The following ZCWPW2 variants were observed in gnomAD, a reference collection of about 807,000 sequenced individuals.
ZCWPW2 encodes zinc finger CW-type PWWP domain protein 2.
ZCWPW2 carries 45 observed loss-of-function variants against 46.6 expected under a neutral mutation model. That is an observed-to-expected ratio of 0.96 (90% CI 0.76 to 1.24). The LOEUF (loss-of-function observed/expected upper bound fraction) is 1.24. ZCWPW2 is among the 50% of genes most tolerant of loss of function. The pLI is 0.00. For synonymous variants in ZCWPW2, 152 were observed against 137.1 expected (o/e 1.11, Z -0.76); for missense variants, 429 against 403.9 (o/e 1.06, Z -0.53).
At chr3:28,491,521 T>G (rs1236340241) in intron 5 of ZCWPW2, among the ~76,000 whole-genome samples, 1 of 152,074 alleles carries the variant, frequency 6.6e-6, no homozygotes, top group Non-Finnish European at 1.5e-5. Flanking sequence ...CCATTCTTGC[T>G]GAATCTTTCT....
At chr3:28,476,421 A>G (rs1699240504) in intron 4 of ZCWPW2, among the ~76,000 whole-genome samples, 1 of 152,048 alleles carries the variant, frequency 6.6e-6, no homozygotes, top group Non-Finnish European at 1.5e-5. Flanking sequence ...AAGTTCAAAG[A>G]CTCCCAGACA....
At chr3:28,390,658 A>C (rs952351854) in intron 2 of ZCWPW2, 41 bp downstream of exon 2, 26 of 985,048 alleles carry the variant, frequency 2.6e-5, no homozygotes, top group Non-Finnish European at 3.0e-5. Flanking sequence ...TCTCTAGTAC[A>C]TAAGCATTTT....
At chr3:28,491,716 G>C (rs755823353) in intron 5 of ZCWPW2, among the ~76,000 whole-genome samples, 2 of 151,990 alleles carry the variant, frequency 1.3e-5, no homozygotes, top group Admixed American at 6.6e-5. Context: ...AATTAAATAA[G>C]ATATCTATAT....
chr3:28,386,689 T>G (rs1476123580), intron 1 of ZCWPW2, among the ~76,000 whole-genome samples: 1 of 152,194 alleles, frequency 6.6e-6, no homozygotes, highest in African/African-American at 2.4e-5. Flanking sequence ...CCTTTTATAT[T>G]TCTATTTTTA....
chr3:28,461,627 C>T (rs141997463), intron 4 of ZCWPW2: 40 of 152,080 alleles, frequency 2.6e-4, no homozygotes, highest in African/African-American at 8.7e-4. Flanking sequence ...CCACCTTGAA[C>T]GAAATATATC....
chr3:28,387,212 C>G (rs1361203985), intron 1 of ZCWPW2, among the ~76,000 whole-genome samples: 1 of 152,172 alleles, frequency 6.6e-6, no homozygotes, highest in Non-Finnish European at 1.5e-5. Flanking sequence ...TTAGCAAACC[C>G]TTGGACCACC....
Position 28,520,975 on chromosome 3 carries a change from T to G in ZCWPW2, c.785-17T>G. On this transcript the variant is annotated splice_polypyrimidine_tract_variant and intron_variant, in intron 8 of 9. Coordinates refer to ENST00000383768, the MANE Select transcript of ZCWPW2 (RefSeq NM_001040432.4). ...GTGAGATGTAGCATTTTTACTGTAT[T>G]AATCCTGTTTTTTTAGTTGTCTGTG... 6.2e-7 allele frequency: 1 copy of G among 1,613,010 alleles called. No homozygotes were observed. The highest frequency in any genetic ancestry group is 1.1e-5 in the South Asian group (1 of 90,958).
chr3:28,465,766 A>G (rs145690964), intron 4 of ZCWPW2, among the ~76,000 whole-genome samples: 1 of 152,296 alleles, frequency 6.6e-6, no homozygotes, highest in East Asian at 1.9e-4. Context: ...AACAAAAAAA[A>G]ACTATGGTAA....
In ZCWPW2 at chr3:28,515,580, A is replaced by C. The variant is rs765765110; in HGVS notation, c.743A>C (p.Glu248Ala). ...KRKAILKCSF[E>A]NVYSDDALSK... ...AAAGCAATTTTAAAATGCTCTTTTG[A>C]AAATGTTTATTCTGATGATGCCTTA... is the stretch of plus-strand genomic sequence containing the variant. Residue 248 changes from glutamate (E) to alanine (A), a missense_variant, in exon 8 of 10, where the codon GAA becomes GCA. Coordinates refer to ENST00000383768, the MANE Select transcript of ZCWPW2 (RefSeq NM_001040432.4). The C allele has an allele frequency of 5.9e-5, 95 of 1,608,828 alleles. No individual in the cohort carries two copies. Among genetic ancestry groups the C allele is most frequent in the Non-Finnish European group, 7.7e-5 (91 of 1,179,120 alleles).
At chr3:28,492,570 A>G (rs1251348945) in intron 6 of ZCWPW2, among the ~76,000 whole-genome samples, 2 of 152,148 alleles carry the variant, frequency 1.3e-5, no homozygotes, top group African/African-American at 2.4e-5. Context: ...AAACTTAAGT[A>G]GAGAACAATA....
rs1243618288 is a variant in ZCWPW2, at chr3:28,381,026, TATATATATATATATATATTTG to T, written c.-133-9471_-133-9451del. On this transcript the variant is annotated intron_variant, in intron 1 of 9. Transcript: ENST00000383768. ...TATATATATATATATATATATTTGG[TATATATATATATATATATTTG>T]GTGTATATATATATATATATATATA... is the stretch of plus-strand genomic sequence containing the variant. Among the ~76,000 whole-genome samples the T allele has an allele frequency of 9.3e-4, 10 of 10,748 alleles. 1 individual carries two copies. The highest frequency in any genetic ancestry group is 3.1e-3 in the African/African-American group (7 of 2,240). The allele number at this position is 10,748 out of a possible 152,430, so 7.1% of individuals were successfully genotyped here. A position where few individuals can be genotyped will look rare whatever the true frequency, so the allele number is the denominator to read the frequency against.
chr3:28,484,570 G>T (rs934690353), intron 5 of ZCWPW2, among the ~76,000 whole-genome samples: 1 of 152,096 alleles, frequency 6.6e-6, no homozygotes, highest in Non-Finnish European at 1.5e-5. Context: ...GCATAGAGTT[G>T]TTCATAATGT....
In ZCWPW2 at chr3:28,432,727, T is replaced by C. The variant is rs546906854; in HGVS notation, c.333-2383T>C. Among the ~76,000 whole-genome samples the C allele has an allele frequency of 9.3e-4, 142 of 152,308 alleles. 1 individual carries two copies. Among genetic ancestry groups the C allele is most frequent in the African/African-American group, 3.1e-3 (130 of 41,574 alleles). On this transcript the variant is annotated intron_variant, in intron 3 of 9. Transcript: ENST00000383768. The stretch of plus-strand genomic sequence containing the variant: ...AGTTTTTAAAATAAAAAGTCAATTT[T>C]TTGATACATTAATACTAAGTATTTA...
intron 1 of ZCWPW2, among the ~76,000 whole-genome samples, chr3:28,374,930 T>C (rs1241937334): frequency 1.3e-5 from 2 of 151,926 alleles, no homozygotes. Flanking sequence ...TTAAAGTTCC[T>C]TACTATTATT....
intron 3 of ZCWPW2, among the ~76,000 whole-genome samples, chr3:28,414,444 C>A (rs1696556432): frequency 6.6e-6 from 1 of 151,316 alleles, no homozygotes; most frequent in Non-Finnish European, 1.5e-5. Context: ...ATTTCATCAA[C>A]CAGGTTTTTT....
intron 1 of ZCWPW2, among the ~76,000 whole-genome samples, chr3:28,360,733 T>C (rs564741266): frequency 6.6e-6 from 1 of 151,794 alleles, no homozygotes; most frequent in African/African-American, 2.4e-5. Context: ...AGGATGGCTA[T>C]TATCAAAAAA....
chr3:28,401,829 T>A (rs1185637619), intron 2 of ZCWPW2, among the ~76,000 whole-genome samples: 1 of 151,848 alleles, frequency 6.6e-6, no homozygotes, highest in African/African-American at 2.4e-5. Context: ...TGATCATTGG[T>A]TCAAAAATGA....
At chr3:28,383,819 TA>T (rs1695180353) in intron 1 of ZCWPW2, among the ~76,000 whole-genome samples, 1 of 152,170 alleles carries the variant, frequency 6.6e-6, no homozygotes, top group African/African-American at 2.4e-5. Flanking sequence ...TCACACTTTT[TA>T]TAATGAATGA....
chr3:28,413,396 C>G lies in ZCWPW2; in HGVS notation c.328C>G (p.Pro110Ala). The G allele has an allele frequency of 6.2e-7, 1 of 1,605,012 alleles. No homozygotes were observed. The highest frequency in any genetic ancestry group is 8.5e-7 in the Non-Finnish European group (1 of 1,173,728). The change falls in exon 3 of 10, where the codon CCA (proline) becomes GCA (alanine). Residue 110 changes from proline (P) to alanine (A), a missense_variant. By Grantham distance (27) the Pro-to-Ala change is conservative (BLOSUM62 -1). Transcript: ENST00000383768. ...SLVLVKLQNWPSWPGILCPDR... is the reference protein window; with the variant it reads ...SLVLVKLQNWASWPGILCPDR... ...GGTTTTGGTAAAATTACAGAATTGGCCAAGGTAAGGTTTGTGTAGTTTTAT... is the reference window on the plus strand; with the variant it reads ...GGTTTTGGTAAAATTACAGAATTGGGCAAGGTAAGGTTTGTGTAGTTTTAT...
Sources: allele counts gnomAD v4.1 joint callset (sites outside exome capture counted in the v4.1 genomes callset), GRCh38; gene constraint gnomAD v4.1.1; transcripts MANE v1.5; gene names NCBI Gene and HGNC (gene_info 2026-07-23, HGNC 2026-07-21).